EOLA2: variants seen among roughly 807,000 people sequenced by gnomAD.
EOLA2 encodes protein EOLA2.
EOLA2 carries 3 observed loss-of-function variants against 4.1 expected under a neutral mutation model. The observed-to-expected ratio is 0.73, with a 90% CI of 0.33 to 1.89. The LOEUF (loss-of-function observed/expected upper bound fraction) is 1.89. Among genes scored for constraint, EOLA2 ranks in the 40% most tolerant of loss-of-function variants. The pLI, the probability that EOLA2 is intolerant of heterozygous loss-of-function variation, is 0.08. For synonymous variants in EOLA2, 52 were observed against 51.7 expected (o/e 1.01, Z -0.03); for missense variants, 109 against 126.4 (o/e 0.86, Z 0.66).
At chrX:149,933,973 C>G in intron 3 of EOLA2, 32 bp downstream of exon 3, 4 of 1,152,637 alleles carry the variant, frequency 3.5e-6, no homozygotes, top group Non-Finnish European at 4.6e-6. Flanking sequence ...ACCTTCCCCC[C>G]GTGTCTCTCA....
chrX:149,930,056 A>G, downstream of EOLA2: 1 of 1,156,895 alleles, frequency 8.6e-7, no homozygotes, highest in South Asian at 1.9e-5. Flanking sequence ...GACGAGTTTC[A>G]TTCGCCAGCT....
Position 149,933,742 on chromosome X carries a change from G to C in EOLA2, c.133C>G (p.His45Asp), listed in dbSNP as rs368926724. The change falls in exon 4 of 5, where the codon CAC (histidine) becomes GAC (aspartate). Residue 45 changes from histidine (H) to aspartate (D), a missense_variant. Physicochemically the swap from His to Asp is moderately conservative, Grantham distance 81. Coordinates refer to ENST00000370406, the MANE Select transcript of EOLA2 (RefSeq NM_001013845.2). ...CAGGCATCGCCTTCCCAGTCCCTGT[G>C]AGCAATGTGGACGGCGATGGTACAG... ...RNCTIAVHIA[H>D]RDWEGDACRE... The C allele has an allele frequency of 4.8e-5, 58 of 1,206,859 alleles. 1 individual carries two copies. In the African/African-American group the frequency reaches 8.1e-4, roughly 17 times the overall value.
intron 1 of EOLA2, among the ~76,000 whole-genome samples, chrX:149,937,893 C>T (rs781831104): frequency 4.4e-5 from 5 of 112,898 alleles, no homozygotes; most frequent in African/African-American, 1.3e-4. Flanking sequence ...CAGAGCTATG[C>T]ACCGCCCGGC....
intron 4 of EOLA2, among the ~76,000 whole-genome samples, chrX:149,933,294 C>T (rs1294500632): frequency 9.8e-6 from 1 of 101,840 alleles, no homozygotes; most frequent in African/African-American, 3.7e-5. Context: ...GTCTCTGCCA[C>T]ACATGTGCAC....
Position 149,934,973 on chromosome X carries a change from C to T in EOLA2, c.-162-836G>A, listed in dbSNP as rs782562764. ...GGCACCAAGAGCACCCAGCCCAGTA[C>T]GTGGCACCTAACAGAACAGTCAGAA... On this transcript the variant is annotated intron_variant, in intron 2 of 4. Coordinates refer to ENST00000370406, the MANE Select transcript of EOLA2 (RefSeq NM_001013845.2). Among the ~76,000 whole-genome samples the T allele has an allele frequency of 1.3e-3, 149 of 112,433 alleles. 1 individual carries two copies. Among genetic ancestry groups the T allele is most frequent in the Non-Finnish European group, 2.2e-3 (117 of 53,167 alleles).
Position 149,932,724 on chromosome X carries a change from TA to T in EOLA2, c.296del (p.Leu99Ter). The T allele has an allele frequency of 8.3e-7, 1 of 1,206,960 alleles. No homozygotes were observed. The highest frequency in any genetic ancestry group is 1.1e-6 in the Non-Finnish European group (1 of 893,974). On this transcript the variant is annotated frameshift_variant, in exon 5 of 5. Transcript: ENST00000370406. LOFTEE classifies it low-confidence loss of function (END_TRUNC). ...IGETLQCPED[L>X]TPDEVVELEN... ...CTAGTTCCACAACCTCATCGGGAGT[TA>T]AGTCTTCGGGGCATTGCAAAGTTTC...
chrX:149,933,498 C>T, intron 4 of EOLA2, 124 bp downstream of exon 4: 1 of 802,204 alleles, frequency 1.2e-6, no homozygotes, highest in Admixed American at 3.4e-5. Flanking sequence ...AGGTGTGTTG[C>T]CAAAGGAAAC....
Position 149,933,857 on chromosome X carries a change from G to A in EOLA2, c.18C>T (p.Leu6=). 1 of 1,202,932 alleles carries A rather than the reference G, an allele frequency of 8.3e-7. No individual in the cohort carries two copies. The highest frequency in any genetic ancestry group is 1.1e-6 in the Non-Finnish European group (1 of 890,720). ...AGCCAGCATAAGGCTGCCGGAAGGA[G>A]AGGCAGCCAAACTTCATCTTCGCAA... MKFGC[L]SFRQPYAGFV... The change falls in exon 4 of 5, where the codon CTC becomes CTT. Residue 6 remains leucine, a synonymous_variant. Transcript: ENST00000370406.
chrX:149,935,981 G>A (rs76720055), intron 2 of EOLA2, among the ~76,000 whole-genome samples: 14,962 of 88,850 alleles, frequency 0.17, 316 homozygotes, highest in Non-Finnish European at 0.2. Context: ...CCTGCCTTCT[G>A]AAGAAGTCTC....
In EOLA2 at chrX:149,933,641, A is replaced by T. The variant is rs782286243; in HGVS notation, c.234T>A (p.Phe78Leu). 1.4e-4 allele frequency: 167 copies of T among 1,203,766 alleles called. No individual in the cohort carries two copies. The highest frequency in any genetic ancestry group is 1.1e-4 in the Non-Finnish European group (94 of 893,369). Residue 78 changes from phenylalanine to leucine, a missense_variant, in exon 4 of 5, where the codon TTT becomes TTA. Physicochemically the swap from Phe to Leu is conservative, Grantham distance 22 (BLOSUM62 0). Transcript: ENST00000370406. ...ACTTACCCGCTATCACTCCTCGACC[A>T]AACTTTTCCCCTTTCCTGAGCAAGG... Reference protein sequence around the residue: ...IQALLRKGEKFGRGVIAGLVD... With the variant: ...IQALLRKGEKLGRGVIAGLVD...
Position 149,935,711 on chromosome X carries a change from C to T in EOLA2, c.-162-1574G>A, listed in dbSNP as rs2090979465. 3.8e-5 allele frequency among the ~76,000 whole-genome samples: 4 copies of T among 104,823 alleles called. No individual in the cohort carries two copies. The South Asian group carries it at 1.7e-3, about 45-fold the overall frequency. 91.0% of individuals were successfully genotyped at this position (104,823 alleles called of 115,157 possible). A position where few individuals can be genotyped will look rare whatever the true frequency, so the allele number is the denominator to read the frequency against. ...GAATCCCGTGGTGCAGGCCACCCCCCTTCAGACTCAGCCTTAGGTGGACAG... is the reference window on the plus strand; with the variant it reads ...GAATCCCGTGGTGCAGGCCACCCCCTTTCAGACTCAGCCTTAGGTGGACAG... On this transcript the variant is annotated intron_variant, in intron 2 of 4. Transcript: ENST00000370406.
rs1252520528 is a variant in EOLA2, at chrX:149,938,055, C to G, written c.-211+138G>C. 3.5e-5 allele frequency: 4 copies of G among 113,071 alleles called. No individual in the cohort carries two copies. In the East Asian group the frequency reaches 1.1e-3, roughly 32 times the overall value. 9.3% of individuals were successfully genotyped at this position (113,071 alleles called of 1,213,427 possible). On this transcript the variant is annotated intron_variant, in intron 1 of 4. Transcript: ENST00000370406. ...AGGGGGGCCGAGACCATGGGGAGAG[C>G]AAGGGACACCAAAGGGCGCTTCGGG...
At chrX:149,934,799 GT>G (rs2090952551) in intron 2 of EOLA2, among the ~76,000 whole-genome samples, 1 of 112,423 alleles carries the variant, frequency 8.9e-6, no homozygotes, top group Non-Finnish European at 1.9e-5. Context: ...AGCCTCCTGC[GT>G]GTGTGGCTTG....
downstream of EOLA2, chrX:149,931,220 A>G: frequency 1.3e-6 from 1 of 781,997 alleles, no homozygotes; most frequent in Non-Finnish European, 1.6e-6. Flanking sequence ...AATGAGAAAC[A>G]CATTTTTGGT....
chrX:149,935,145 C>A (rs1415907691), intron 2 of EOLA2, among the ~76,000 whole-genome samples: 1 of 97,946 alleles, frequency 1.0e-5, no homozygotes, highest in Non-Finnish European at 2.1e-5. Flanking sequence ...AGAAAATATA[C>A]CCACCCTCAT....
chrX:149,935,582 T>C, intron 2 of EOLA2, among the ~76,000 whole-genome samples: 1 of 78,666 alleles, frequency 1.3e-5, no homozygotes, highest in East Asian at 6.0e-4. Flanking sequence ...GCCGGCCTCA[T>C]GCCAGTCCTG....
At position 149,932,443 on chromosome X, in the gene EOLA2, T is replaced by G. The variant is rs782238110; in HGVS notation, c.*101A>C. On this transcript the variant is annotated 3_prime_UTR_variant, in exon 5 of 5. Transcript: ENST00000370406. ...GACTCTCCAAAGCAGTGGAAATTCA[T>G]CTTTAACCTAATTTATACAGGTCTG... The G allele has an allele frequency of 2.1e-4, 250 of 1,168,872 alleles. No homozygotes were observed. The African/African-American group carries it at 2.9e-3, about 14-fold the overall frequency.
At chrX:149,931,326 A>G (rs1328212485), downstream of EOLA2, 4 of 318,063 alleles carry the variant, frequency 1.3e-5, no homozygotes, top group Non-Finnish European at 2.0e-5. Flanking sequence ...TATATTATAT[A>G]CATCTCATTG....
chrX:149,933,284 GTC>G (rs1207152595), intron 4 of EOLA2, among the ~76,000 whole-genome samples: 2 of 100,155 alleles, frequency 2.0e-5, no homozygotes, highest in Non-Finnish European at 4.0e-5. Flanking sequence ...GCTTTTCATG[GTC>G]TCTGCCACAC....
Sources: gnomAD v4.1 joint callset for allele counts (sites outside exome capture counted in the v4.1 genomes callset) on GRCh38, gnomAD v4.1.1 for gene constraint, MANE v1.5 for transcripts, NCBI Gene and HGNC (gene_info 2026-07-23, HGNC 2026-07-21) for gene names.